Variants in GNG3 observed in about 807,000 individuals in gnomAD.
The protein encoded by GNG3 is guanine nucleotide-binding protein G(I)/G(S)/G(O) subunit gamma-3.
GNG3 carries 4 observed loss-of-function variants against 5.6 expected under a neutral mutation model. The ratio of observed to expected loss-of-function variants is 0.71; its 90% CI spans 0.35 to 1.63. GNG3 has a LOEUF of 1.63. Ranked by LOEUF, GNG3 falls within the 40% of genes most tolerant of loss-of-function variation. The pLI is 0.05. For missense variants in GNG3, 62 were observed against 96.6 expected, an observed-to-expected ratio of 0.64 and a Z score of 1.50; for synonymous variants, 30 against 33.5, an observed-to-expected ratio of 0.89 and a Z score of 0.36.
At position 62,708,926 on chromosome 11, in the gene GNG3, T is replaced by C. The variant is rs1166972117; in HGVS notation, c.*120T>C. The C allele has an allele frequency of 2.6e-6, 2 of 779,084 alleles. No homozygotes were observed. The highest frequency in any genetic ancestry group is 4.4e-6 in the Non-Finnish European group (2 of 457,206). The allele number at this position is 779,084 out of a possible 1,614,324, so 48.3% of individuals were successfully genotyped here. A position where few individuals can be genotyped will look rare whatever the true frequency, so the allele number is the denominator to read the frequency against. On this transcript the variant is annotated 3_prime_UTR_variant, in exon 3 of 3. Transcript: ENST00000294117. ...CCCATCCCTAACCCTTGCCTGACCA[T>C]GTGAGGTTATCTGAAGCACAAGGCC...
At chr11:62,706,754 C>T, upstream of GNG3, 1 of 526,044 alleles carries the variant, frequency 1.9e-6, no homozygotes. Context: ...CAGTTTGCGG[C>T]AACCTGGGCC....
At chr11:62,707,196 C>A, upstream of GNG3, 1 of 1,552,344 alleles carries the variant, frequency 6.4e-7, no homozygotes, top group South Asian at 1.2e-5. Flanking sequence ...CTGTAGACAT[C>A]TTCCTGACGA....
At chr11:62,708,159 T>TGGA (rs764921317) in intron 1 of GNG3, 136 bp from the exon 2 acceptor site, 16 of 695,428 alleles carry the variant, frequency 2.3e-5, no homozygotes, top group South Asian at 1.1e-4. Context: ...GACAGTCCAC[T>TGGA]GGAGGAGGAG....
At chr11:62,708,167 G>T in intron 1 of GNG3, 128 bp from the exon 2 acceptor site, 1 of 714,806 alleles carries the variant, frequency 1.4e-6, no homozygotes, top group South Asian at 1.5e-5. Flanking sequence ...ACTGGAGGAG[G>T]AGGAGGAGGA....
chr11:62,707,205 G>A (rs1389874449), upstream of GNG3: 18 of 1,552,170 alleles, frequency 1.2e-5, no homozygotes, highest in Non-Finnish European at 1.6e-5. Flanking sequence ...TCTTCCTGAC[G>A]AGCCTCTGTT....
rs2083591711 is a variant in GNG3 at position 62,709,159 on chromosome 11, G to A, written c.*353G>A. 3 of 469,766 alleles carry A rather than the reference G, an allele frequency of 6.4e-6. No individual in the cohort carries two copies. Among genetic ancestry groups the A allele is most frequent in the South Asian group, 4.6e-5 (3 of 64,592 alleles). 29.1% of individuals were successfully genotyped at this position (469,766 alleles called of 1,614,324 possible). ...CTCTCAGTCTCACCTGGAGCTACTG[G>A]GAGGGTAAAGCCATTTGAAGAATAA... On this transcript the variant is annotated 3_prime_UTR_variant, in exon 3 of 3. Coordinates refer to ENST00000294117, the MANE Select transcript of GNG3 (RefSeq NM_012202.5).
chr11:62,708,366 A>C lies in GNG3; in HGVS notation c.71A>C (p.Lys24Thr). ...GCACGCAAGATGGTGGAACAGCTTA[A>C]GATTGAAGCCAGCTTGTGTCGGATA... ...GQARKMVEQL[K>T]IEASLCRIKV... Residue 24 changes from lysine (K) to threonine (T), a missense_variant, in exon 2 of 3, where the codon AAG (lysine) becomes ACG (threonine). Lys to Thr is a moderately conservative substitution (Grantham distance 78). Transcript: ENST00000294117. 2 of 1,613,360 alleles carry C rather than the reference A, an allele frequency of 1.2e-6. No individual in the cohort carries two copies. The highest frequency in any genetic ancestry group is 1.7e-6 in the Non-Finnish European group (2 of 1,179,282).
rs946623373 is a variant in GNG3 at position 62,709,038 on chromosome 11, A to C, written c.*232A>C. 1.1e-5 allele frequency: 6 copies of C among 528,150 alleles called. No homozygotes were observed. The highest frequency in any genetic ancestry group is 1.9e-5 in the African/African-American group (1 of 52,126). The allele number at this position is 528,150 out of a possible 1,614,324, so 32.7% of individuals were successfully genotyped here. On this transcript the variant is annotated 3_prime_UTR_variant, in exon 3 of 3. Coordinates refer to ENST00000294117, the MANE Select transcript of GNG3 (RefSeq NM_012202.5). ...AGAGATATGAGGCACCCTTTGCTCCACCCACAGCAGGGCCCCGTCAGACTC... is the reference window on the plus strand; with the variant it reads ...AGAGATATGAGGCACCCTTTGCTCCCCCCACAGCAGGGCCCCGTCAGACTC...
upstream of GNG3, chr11:62,707,126 C>G: frequency 6.4e-7 from 1 of 1,554,286 alleles, no homozygotes; most frequent in Non-Finnish European, 8.7e-7. Flanking sequence ...TTGTCCGGTC[C>G]TTTGATCTGG....
upstream of GNG3, chr11:62,707,536 C>T (rs2083563175): frequency 3.3e-6 from 2 of 606,190 alleles, no homozygotes; most frequent in South Asian, 1.9e-5. Flanking sequence ...TTGGGGAGGT[C>T]TCTAGCCCAG....
At chr11:62,707,404 G>A (rs2083560362), upstream of GNG3, 5 of 702,494 alleles carry the variant, frequency 7.1e-6, no homozygotes, top group Admixed American at 1.0e-4. Flanking sequence ...CGACTGCCCA[G>A]CTGATGTCAG....
intron 1 of GNG3, 115 bp downstream of exon 1, chr11:62,708,030 A>G (rs904952136): frequency 2.0e-6 from 1 of 496,442 alleles, no homozygotes; most frequent in South Asian, 2.2e-5. Flanking sequence ...CATGGTTTGA[A>G]GGGCTGAAAA....
upstream of GNG3, among the ~76,000 whole-genome samples, chr11:62,706,881 G>C (rs2083549604): frequency 6.6e-6 from 1 of 152,230 alleles, no homozygotes; most frequent in Non-Finnish European, 1.5e-5. Flanking sequence ...ACATTATCTA[G>C]ACTAGCTTTT....
Position 62,709,087 on chromosome 11 carries a change from C to T in GNG3, c.*281C>T. On this transcript the variant is annotated 3_prime_UTR_variant, in exon 3 of 3. Transcript: ENST00000294117. The stretch of plus-strand genomic sequence containing the variant: ...TCTGCCAGCGCGTCCTGCCCGCTTC[C>T]CTCGGTGACCTGCTCAGACAATGGA... The T allele has an allele frequency of 2.1e-6, 1 of 477,238 alleles. No homozygotes were observed. The highest frequency in any genetic ancestry group is 4.0e-6 in the Non-Finnish European group (1 of 249,184). The allele number at this position is 477,238 out of a possible 1,614,324, so 29.6% of individuals were successfully genotyped here.
At position 62,709,133 on chromosome 11, in the gene GNG3, G is replaced by C. The variant is rs1452196804; in HGVS notation, c.*327G>C. On this transcript the variant is annotated 3_prime_UTR_variant, in exon 3 of 3. Coordinates refer to ENST00000294117, the MANE Select transcript of GNG3 (RefSeq NM_012202.5). ...ATGGAGAGGGATGGGCCAGGTTCTTGCTCTCAGTCTCACCTGGAGCTACTG... is the reference window on the plus strand; with the variant it reads ...ATGGAGAGGGATGGGCCAGGTTCTTCCTCTCAGTCTCACCTGGAGCTACTG... 2.1e-6 allele frequency: 1 copy of C among 479,224 alleles called. No individual in the cohort carries two copies. Among genetic ancestry groups the C allele is most frequent in the Non-Finnish European group, 4.1e-6 (1 of 243,886 alleles). The allele number at this position is 479,224 out of a possible 1,614,324, so 29.7% of individuals were successfully genotyped here.
intron 2 of GNG3, 129 bp from the exon 3 acceptor site, chr11:62,708,549 G>GT: frequency 7.4e-7 from 1 of 1,354,194 alleles, no homozygotes; most frequent in Non-Finnish European, 1.0e-6. Context: ...CCAGGCCTCT[G>GT]GGGGGGATGA....
chr11:62,708,466 A>AT, intron 2 of GNG3, 72 bp downstream of exon 2: 1 of 1,279,510 alleles, frequency 7.8e-7, no homozygotes, highest in South Asian at 1.2e-5. Flanking sequence ...AAAGCTCAAG[A>AT]TAAGAGATGC....
At chr11:62,708,022 T>A (rs1485892021) in intron 1 of GNG3, 107 bp downstream of exon 1, 1 of 474,480 alleles carries the variant, frequency 2.1e-6, no homozygotes, top group Non-Finnish European at 3.9e-6. Context: ...GGAACACACA[T>A]GGTTTGAAGG....
chr11:62,707,907 T>C lies in GNG3; in HGVS notation c.-10T>C, dbSNP rs938054314. ...CACCCAGGGCTGCTACTGCCGCTTG[T>C]GGCTTCAGGTAAGTAATGGCCTGTT... On this transcript the variant is annotated 5_prime_UTR_variant, in exon 1 of 3. Coordinates refer to ENST00000294117, the MANE Select transcript of GNG3 (RefSeq NM_012202.5). 1.1e-5 allele frequency: 3 copies of C among 280,426 alleles called. No individual in the cohort carries two copies. The highest frequency in any genetic ancestry group is 4.3e-5 in the African/African-American group (2 of 46,440). 17.4% of individuals were successfully genotyped at this position (280,426 alleles called of 1,614,324 possible).
Sources: allele counts gnomAD v4.1 joint callset (sites outside exome capture counted in the v4.1 genomes callset), GRCh38; gene constraint gnomAD v4.1.1; transcripts MANE v1.5; gene names NCBI Gene and HGNC (gene_info 2026-07-23, HGNC 2026-07-21).